Variants in PEPD observed in about 807,000 individuals in gnomAD.
PEPD encodes xaa-Pro dipeptidase.
In PEPD, 53 loss-of-function variants were observed where a neutral mutation model predicts 60.7. That is an observed-to-expected ratio of 0.87 (90% CI 0.70 to 1.10). PEPD has a LOEUF of 1.10. PEPD is among the 50% of genes least tolerant of loss of function. The pLI is 0.00. For synonymous variants in PEPD, 267 were observed against 284.1 expected (o/e 0.94, Z 0.60); for missense variants, 711 against 711.9 (o/e 1.00, Z 0.01).
intron 9 of PEPD, among the ~76,000 whole-genome samples, chr19:33,449,947 CAG>C (rs1275334818): frequency 1.3e-5 from 2 of 152,192 alleles, no homozygotes; most frequent in Non-Finnish European, 2.9e-5. Context: ...AGGGAGGTAA[CAG>C]ACAGGAAGCA....
intron 11 of PEPD, among the ~76,000 whole-genome samples, chr19:33,404,059 G>A (rs141652335): frequency 1.4e-3 from 215 of 152,344 alleles, no homozygotes; most frequent in Non-Finnish European, 2.5e-3. Flanking sequence ...CCTGAGTCAG[G>A]AGGGTAAACA....
At chr19:33,459,545 G>A (rs941950757) in intron 9 of PEPD, among the ~76,000 whole-genome samples, 4 of 152,100 alleles carry the variant, frequency 2.6e-5, no homozygotes, top group African/African-American at 4.8e-5. Context: ...TACCCAACAC[G>A]GACGTCTTAT....
At chr19:33,406,551 G>A (rs1264010763) in intron 11 of PEPD, among the ~76,000 whole-genome samples, 8 of 152,374 alleles carry the variant, frequency 5.3e-5, no homozygotes, top group African/African-American at 1.7e-4. Flanking sequence ...CAGCAAGGTG[G>A]TGGGGGAGAG....
At chr19:33,516,683 C>T (rs60421716) in intron 1 of PEPD, among the ~76,000 whole-genome samples, 30 of 152,248 alleles carry the variant, frequency 2.0e-4, no homozygotes, top group African/African-American at 7.2e-4. Context: ...AGGATTCATC[C>T]TCAAATTCAG....
intron 9 of PEPD, among the ~76,000 whole-genome samples, chr19:33,417,811 A>T (rs1005731): frequency 6.6e-6 from 1 of 151,908 alleles, no homozygotes; most frequent in Admixed American, 6.6e-5. Context: ...TATTCCTTTA[A>T]AACCAAACAG....
intron 3 of PEPD, 147 bp downstream of exon 3, chr19:33,510,881 G>GT (rs977761649): frequency 1.2e-6 from 1 of 809,968 alleles, no homozygotes; most frequent in African/African-American, 1.7e-5. Flanking sequence ...GAGGCAGGCT[G>GT]TGACAGCCCT....
intron 9 of PEPD, among the ~76,000 whole-genome samples, chr19:33,443,979 C>T (rs1038261782): frequency 6.2e-5 from 9 of 144,518 alleles, no homozygotes; most frequent in East Asian, 6.1e-4. Context: ...CGCGTGCGCG[C>T]GCACACACAC....
chr19:33,449,172 C>T lies in PEPD; in HGVS notation c.671+13823G>A, dbSNP rs184612146. Among the ~76,000 whole-genome samples, 744 of 152,352 alleles carry T rather than the reference C, an allele frequency of 4.9e-3. 5 individuals are homozygous for T. The highest frequency in any genetic ancestry group is 0.03 in the South Asian group (143 of 4,822). On this transcript the variant is annotated intron_variant, in intron 9 of 14. Transcript: ENST00000244137. ...TAGAGAAGACATCTTCCATGTCCAC[C>T]GAGGTGACTCGGTACTGTCTGGACC...
intron 9 of PEPD, among the ~76,000 whole-genome samples, chr19:33,441,933 G>A (rs149221648): frequency 1.4e-3 from 213 of 152,360 alleles, no homozygotes; most frequent in African/African-American, 4.7e-3. Context: ...AGTAACTACC[G>A]GGTTGGAAGA....
chr19:33,511,779 T>A (rs1440670168), intron 2 of PEPD, among the ~76,000 whole-genome samples: 1 of 152,204 alleles, frequency 6.6e-6, no homozygotes, highest in African/African-American at 2.4e-5. Flanking sequence ...GCATCAAGAC[T>A]AGCCAGAGAA....
At chr19:33,420,633 C>T (rs1267719593) in intron 9 of PEPD, among the ~76,000 whole-genome samples, 1 of 151,750 alleles carries the variant, frequency 6.6e-6, no homozygotes, top group African/African-American at 2.4e-5. Context: ...ACCTGGGAGG[C>T]GGAGGTTGTA....
chr19:33,413,444 G>C (rs891950555), intron 10 of PEPD, 131 bp downstream of exon 10: 16 of 660,246 alleles, frequency 2.4e-5, no homozygotes, highest in Non-Finnish European at 4.5e-5. Flanking sequence ...TCCAAGCTTG[G>C]GCCGGGCGCT....
intron 12 of PEPD, among the ~76,000 whole-genome samples, chr19:33,400,184 G>T (rs1306872009): frequency 6.6e-6 from 1 of 152,216 alleles, no homozygotes; most frequent in African/African-American, 2.4e-5. Flanking sequence ...GGGCGAGGGT[G>T]GGGGCAAGCT....
Position 33,398,503 on chromosome 19 carries a change from C to A in PEPD, c.967+3218G>T, listed in dbSNP as rs149733019. On this transcript the variant is annotated intron_variant, in intron 12 of 14. Transcript: ENST00000244137. ...ACTCTGGCCCACCTGAGAGGCTGTG[C>A]CCGGCGGAGGGCTCTCCGTGGAGGG... 4.1e-3 allele frequency among the ~76,000 whole-genome samples: 619 copies of A among 152,346 alleles called. 3 individuals are homozygous for A. The highest frequency in any genetic ancestry group is 0.014 in the African/African-American group (590 of 41,574).
At chr19:33,440,098 A>G (rs1346386772) in intron 9 of PEPD, among the ~76,000 whole-genome samples, 1 of 152,138 alleles carries the variant, frequency 6.6e-6, no homozygotes, top group Non-Finnish European at 1.5e-5. Flanking sequence ...GGACCTGCGC[A>G]AGACGAGTGA....
chr19:33,413,249 T>A (rs544285469), intron 10 of PEPD, among the ~76,000 whole-genome samples: 1 of 152,342 alleles, frequency 6.6e-6, no homozygotes, highest in African/African-American at 2.4e-5. Context: ...ATGCTGTGTG[T>A]GTGCCCGTGT....
At chr19:33,469,458 C>T (rs992038631) in intron 7 of PEPD, among the ~76,000 whole-genome samples, 2 of 152,192 alleles carry the variant, frequency 1.3e-5, no homozygotes, top group Non-Finnish European at 2.9e-5. Context: ...CCACGGGAGC[C>T]GCCACAGATG....
chr19:33,432,842 C>T (rs149423312), intron 9 of PEPD, among the ~76,000 whole-genome samples: 27 of 152,364 alleles, frequency 1.8e-4, no homozygotes, highest in African/African-American at 5.0e-4. Context: ...TTGGCGCTTC[C>T]GGGCTCCCAG....
At chr19:33,395,339 G>A (rs565799604) in intron 12 of PEPD, among the ~76,000 whole-genome samples, 5 of 152,346 alleles carry the variant, frequency 3.3e-5, no homozygotes, top group African/African-American at 1.2e-4. Flanking sequence ...GCATGCTGCG[G>A]ATGCTTGGTA....
Sources: allele counts gnomAD v4.1 joint callset (sites outside exome capture counted in the v4.1 genomes callset), GRCh38; gene constraint gnomAD v4.1.1; transcripts MANE v1.5; gene names NCBI Gene and HGNC (gene_info 2026-07-23, HGNC 2026-07-21).